The following SORL1 variants were observed in gnomAD, a reference collection of about 807,000 sequenced individuals.
The protein encoded by SORL1 is sortilin related receptor 1.
SORL1 carries 127 observed loss-of-function variants against 273.7 expected under a neutral mutation model. The ratio of observed to expected loss-of-function variants is 0.46; its 90% CI spans 0.40 to 0.54. SORL1 has a LOEUF of 0.54. Among genes scored for constraint, SORL1 ranks in the 20% least tolerant of loss-of-function variants. The pLI is 0.00. For missense variants in SORL1, 2,494 were observed against 2,846.1 expected, an observed-to-expected ratio of 0.88 and a Z score of 2.81; for synonymous variants, 1,031 against 1,067.4, an observed-to-expected ratio of 0.97 and a Z score of 0.66.
chr11:121,462,814 G>T (rs1029206325), intron 1 of SORL1, among the ~76,000 whole-genome samples: 11 of 152,154 alleles, frequency 7.2e-5, no homozygotes, highest in African/African-American at 2.7e-4. Flanking sequence ...TGAACTCCTG[G>T]GCTCGAGGGA....
At chr11:121,520,591 TTA>T in intron 8 of SORL1, 64 bp from the exon 9 acceptor site, 1 of 1,160,100 alleles carries the variant, frequency 8.6e-7, no homozygotes, top group Non-Finnish European at 1.2e-6. Context: ...TGGTCAAATT[TTA>T]TGTTATTTAC....
Position 121,523,000 on chromosome 11 carries a change from T to TC in SORL1, c.1596+16dup. 1.3e-6 allele frequency: 2 copies of TC among 1,563,152 alleles called. No homozygotes were observed. Among genetic ancestry groups the TC allele is most frequent in the African/African-American group, 1.4e-5 (1 of 73,910 alleles). ...GCCAGGTGGCGAGAGGTCAGCCCCC[T>TC]CCCCCAATCCCGTCCCCTCCACCCT... On this transcript the variant is annotated intron_variant, in intron 11 of 47. Coordinates refer to ENST00000260197, the MANE Select transcript of SORL1 (RefSeq NM_003105.6).
Position 121,627,701 on chromosome 11 carries a change from G to T in SORL1, c.6511G>T (p.Ala2171Ser). ...KHRRLQSSFT[A>S]FANSHYSSRL... ...CCGGAGGCTGCAGAGCAGCTTCACC[G>T]CCTTCGCCAACAGCCACTACAGCTC... is the stretch of plus-strand genomic sequence containing the variant. Residue 2171 changes from alanine to serine, a missense_variant, in exon 47 of 48, where the codon GCC becomes TCC. Around this residue, in one of 3 missense-constraint regions of SORL1, gnomAD observed 1,609 missense variants for 1,816.4 expected, o/e 0.89. Coordinates refer to ENST00000260197, the MANE Select transcript of SORL1 (RefSeq NM_003105.6). The surrounding 1 kb of genome is among the most constrained non-coding windows in gnomAD (Gnocchi z 4.9). The T allele has an allele frequency of 6.2e-7, 1 of 1,614,108 alleles. No individual in the cohort carries two copies. Among genetic ancestry groups the T allele is most frequent in the Non-Finnish European group, 8.5e-7 (1 of 1,180,022 alleles).
At chr11:121,499,366 C>G (rs1019407983) in intron 6 of SORL1, among the ~76,000 whole-genome samples, 1 of 152,080 alleles carries the variant, frequency 6.6e-6, no homozygotes, top group Non-Finnish European at 1.5e-5. Context: ...AGAGGTGTTT[C>G]CCAAATTGTG....
Position 121,595,756 on chromosome 11 carries a change from G to A in SORL1, c.4503G>A (p.Arg1501=), listed in dbSNP as rs769468518. The A allele has an allele frequency of 5.8e-5, 93 of 1,613,110 alleles. No individual in the cohort carries two copies. Among genetic ancestry groups the A allele is most frequent in the Non-Finnish European group, 7.6e-5 (90 of 1,180,034 alleles). Residue 1501 remains arginine, a synonymous_variant, in exon 32 of 48, where the codon CGG becomes CGA. Coordinates refer to ENST00000260197, the MANE Select transcript of SORL1 (RefSeq NM_003105.6). The surrounding 1 kb of genome is among the most constrained non-coding windows in gnomAD (Gnocchi z 5.1). ...GCCACCAAGATTGCCAGGATGGCCG[G>A]GACGAGGCCAATTGCCGTGAGTAGT... ...CDGHQDCQDG[R]DEANCPTHST... is the part of the protein sequence containing the mutation.
At chr11:121,553,452 A>G (rs1862534409) in intron 16 of SORL1, among the ~76,000 whole-genome samples, 1 of 152,238 alleles carries the variant, frequency 6.6e-6, no homozygotes, top group Non-Finnish European at 1.5e-5. Context: ...GAATTGCCAT[A>G]TGGTGTTGTG....
chr11:121,488,383 G>T (rs545011157), intron 4 of SORL1, among the ~76,000 whole-genome samples, 190 bp downstream of exon 4: 9 of 152,144 alleles, frequency 5.9e-5, no homozygotes, highest in Non-Finnish European at 1.3e-4. Flanking sequence ...CTCTCAGTTG[G>T]CAGCCCAGCC....
rs114193607 is a variant in SORL1, at chr11:121,514,834, C to A, written c.1211+513C>A. ...CATGTGTTTAGAGCTGTTTTGTAGT[C>A]CAGCAGTGGGCGGTCTCGGAGCACC... On this transcript the variant is annotated intron_variant, in intron 8 of 47. Transcript: ENST00000260197. 7.8e-4 allele frequency among the ~76,000 whole-genome samples: 119 copies of A among 152,218 alleles called. 1 individual carries two copies. Among genetic ancestry groups the A allele is most frequent in the African/African-American group, 2.8e-3 (116 of 41,534 alleles).
intron 14 of SORL1, chr11:121,546,958 C>T (rs1054255512): frequency 2.0e-5 from 3 of 152,198 alleles, no homozygotes; most frequent in Non-Finnish European, 2.9e-5. Context: ...CTTATCTGCA[C>T]ATTCGCCCTT....
intron 6 of SORL1, 120 bp downstream of exon 6, chr11:121,497,169 T>G (rs1565315467): frequency 1.2e-6 from 1 of 818,252 alleles, no homozygotes; most frequent in African/African-American, 1.7e-5. Context: ...TTGGGACAGA[T>G]TGACTGAAGG....
intron 12 of SORL1, among the ~76,000 whole-genome samples, chr11:121,535,262 C>T (rs1026824069): frequency 6.6e-6 from 1 of 152,172 alleles, no homozygotes; most frequent in African/African-American, 2.4e-5. Context: ...CAAGAGACAC[C>T]AGAGATGACC....
intron 12 of SORL1, among the ~76,000 whole-genome samples, chr11:121,541,425 G>C (rs1165849465): frequency 6.6e-6 from 1 of 152,062 alleles, no homozygotes; most frequent in Non-Finnish European, 1.5e-5. Flanking sequence ...TCTCAGGCTG[G>C]TCTCAAACTC....
At chr11:121,518,276 TG>T (rs1324201161) in intron 8 of SORL1, among the ~76,000 whole-genome samples, 4 of 152,052 alleles carry the variant, frequency 2.6e-5, no homozygotes, top group African/African-American at 9.7e-5. Context: ...AGAAGTGCCC[TG>T]GGGAGGGCCA....
At position 121,549,986 on chromosome 11, in the gene SORL1, ATT is replaced by A; in HGVS notation, c.2080_2081del (p.Leu694ValfsTer43). The A allele has an allele frequency of 6.2e-7, 1 of 1,613,574 alleles. No individual in the cohort carries two copies. The highest frequency in any genetic ancestry group is 1.3e-5 in the African/African-American group (1 of 74,844). On this transcript the variant is annotated frameshift_variant, in exon 15 of 48. Coordinates refer to ENST00000260197, the MANE Select transcript of SORL1 (RefSeq NM_003105.6). LOFTEE classifies it high-confidence loss of function. ...GACTTCGGTTTCAAGATGAGTGAAG[ATT>A]TGTCATTAGAGGTTTGTGTTCCAGA...
At chr11:121,565,737 T>C (rs1425775310) in intron 21 of SORL1, among the ~76,000 whole-genome samples, 6 of 152,240 alleles carry the variant, frequency 3.9e-5, no homozygotes, top group Non-Finnish European at 5.9e-5. Context: ...TGTTATAAAA[T>C]GGTTTATGCA....
intron 24 of SORL1, chr11:121,576,891 G>A: frequency 6.5e-7 from 1 of 1,535,680 alleles, no homozygotes; most frequent in Non-Finnish European, 8.7e-7. Context: ...CACAGGCTGT[G>A]TCTGTAGGAG....
chr11:121,618,021 A>G (rs1451628578), intron 41 of SORL1, among the ~76,000 whole-genome samples: 1 of 152,172 alleles, frequency 6.6e-6, no homozygotes, highest in Non-Finnish European at 1.5e-5. Context: ...TCATGGTACA[A>G]GAGGCCTCCT....
intron 8 of SORL1, among the ~76,000 whole-genome samples, chr11:121,519,117 T>C (rs917776473): frequency 6.6e-6 from 1 of 151,566 alleles, no homozygotes; most frequent in East Asian, 2.0e-4. Flanking sequence ...CCAGCTAATT[T>C]TTGTATTATT....
rs989534128 is a variant in SORL1, at chr11:121,595,263, T to A, written c.4370-360T>A. Among the ~76,000 whole-genome samples the A allele has an allele frequency of 6.6e-6, 1 of 152,220 alleles. No individual in the cohort carries two copies. Among genetic ancestry groups the A allele is most frequent in the Non-Finnish European group, 1.5e-5 (1 of 68,032 alleles). On this transcript the variant is annotated intron_variant, in intron 31 of 47. Coordinates refer to ENST00000260197, the MANE Select transcript of SORL1 (RefSeq NM_003105.6). This position sits in a 1 kb window ranked among gnomAD's most constrained non-coding sequence, Gnocchi z 5.1. ...TGAACTTTTGGAGGACTGTGTGTTG[T>A]TGATCTGATTGGTTCTGAGCTTTCT...
Sources: allele counts gnomAD v4.1 joint callset (sites outside exome capture counted in the v4.1 genomes callset), GRCh38; gene constraint gnomAD v4.1.1; regional missense constraint gnomAD v4.1.1; non-coding constraint Gnocchi (gnomAD v3.1); transcripts MANE v1.5; gene names NCBI Gene and HGNC (gene_info 2026-07-23, HGNC 2026-07-21).